Variants in HEPH observed in about 807,000 individuals in gnomAD.
HEPH encodes the protein hephaestin.
Under a neutral mutation model 80.8 loss-of-function variants are expected in HEPH, and 69 were observed. The observed-to-expected ratio is 0.85, with a 90% CI of 0.70 to 1.04. The LOEUF is 1.04. Among genes scored for constraint, HEPH ranks in the 50% least tolerant of loss-of-function variants. The pLI, the probability that HEPH is intolerant of heterozygous loss-of-function variation, is 0.00. For missense variants in HEPH, 1,115 were observed against 891.3 expected, an observed-to-expected ratio of 1.25 and a Z score of -3.20; for synonymous variants, 431 against 322.8, an observed-to-expected ratio of 1.34 and a Z score of -3.60.
intron 15 of HEPH, among the ~76,000 whole-genome samples, chrX:66,210,553 G>A (rs1441765175): frequency 9.0e-6 from 1 of 111,050 alleles, no homozygotes; most frequent in African/African-American, 3.3e-5. Context: ...AAATGGTGGG[G>A]ATTGGGATGG....
intron 16 of HEPH, among the ~76,000 whole-genome samples, chrX:66,255,744 G>A (rs1212294338): frequency 1.8e-5 from 2 of 111,239 alleles, no homozygotes; most frequent in Non-Finnish European, 3.8e-5. Flanking sequence ...ATGTACTCTG[G>A]GCCTTGAAAG....
At position 66,214,933 on chromosome X, in the gene HEPH, C is replaced by A. The variant is rs560733663; in HGVS notation, c.2563+6687C>A. ...GTCTTACTATTTGAAGAACAAACCT[C>A]TTTTATTGAGGATTTACTTAGGTGT... is the stretch of plus-strand genomic sequence containing the variant. On this transcript the variant is annotated intron_variant, in intron 15 of 20. Coordinates refer to ENST00000343002, the MANE Select transcript of HEPH (RefSeq NM_001367233.3). Among the ~76,000 whole-genome samples, 3 of 111,091 alleles carry A rather than the reference C, an allele frequency of 2.7e-5. No homozygotes were observed. The South Asian group carries it at 1.1e-3, about 42-fold the overall frequency.
chrX:66,265,570 G>A (rs1200431025), intron 20 of HEPH, among the ~76,000 whole-genome samples: 2 of 111,002 alleles, frequency 1.8e-5, no homozygotes, highest in Non-Finnish European at 3.8e-5. Flanking sequence ...AATTATGGGG[G>A]TACAAGGTAC....
chrX:66,263,766 T>C, intron 20 of HEPH, 78 bp downstream of exon 20: 1 of 919,545 alleles, frequency 1.1e-6, no homozygotes, highest in Non-Finnish European at 1.6e-6. Flanking sequence ...ACCTTTAGGG[T>C]ATGGGACTTA....
At chrX:66,226,767 A>G (rs2089907796) in intron 15 of HEPH, among the ~76,000 whole-genome samples, 1 of 111,830 alleles carries the variant, frequency 8.9e-6, no homozygotes, top group Non-Finnish European at 1.9e-5. Context: ...GTACAGACCA[A>G]CAGCAAGCAA....
chrX:66,234,576 C>T (rs774682761), intron 15 of HEPH, among the ~76,000 whole-genome samples: 1 of 107,491 alleles, frequency 9.3e-6, no homozygotes, highest in African/African-American at 3.5e-5. Flanking sequence ...TTGCCACCAT[C>T]TGGTTTTTTT....
At position 66,173,605 on chromosome X, in the gene HEPH, T is replaced by C. The variant is rs1160764164; in HGVS notation, c.429T>C (p.Asp143=). 3 of 1,208,188 alleles carry C rather than the reference T, an allele frequency of 2.5e-6. No individual in the cohort carries two copies. The highest frequency in any genetic ancestry group is 2.2e-5 in the Admixed American group (1 of 45,911). Residue 143 remains aspartate, a synonymous_variant, in exon 4 of 21, where the codon GAT becomes GAC. Coordinates refer to ENST00000343002, the MANE Select transcript of HEPH (RefSeq NM_001367233.3). ...CATTTCTAGGTTCCCTATACCCAGA[T>C]GGCTCCTCTGGGCCACTGAAAGCTG... ...EKDSEGSLYP[D]GSSGPLKADD...
chrX:66,243,351 C>A (rs1245529587), intron 15 of HEPH, among the ~76,000 whole-genome samples: 3 of 111,808 alleles, frequency 2.7e-5, no homozygotes, highest in Non-Finnish European at 3.8e-5. Flanking sequence ...GTGGAGGATG[C>A]CAGGAGGCTA....
intron 4 of HEPH, among the ~76,000 whole-genome samples, chrX:66,185,962 G>GT (rs1477447347): frequency 1.2e-4 from 1 of 8,077 alleles, no homozygotes; most frequent in Non-Finnish European, 2.0e-4. Context: ...ATACCCTGCC[G>GT]TGTGAGGTGT....
chrX:66,256,196 T>A lies in HEPH; in HGVS notation c.2762T>A (p.Phe921Tyr). Residue 921 changes from phenylalanine (F) to tyrosine (Y), a missense_variant, in exon 17 of 21, where the codon TTT (phenylalanine) becomes TAT (tyrosine). By Grantham distance (22) the Phe-to-Tyr change is conservative (BLOSUM62 3). This residue lies in a region of HEPH where 716 missense variants were observed against 523.5 expected (regional missense o/e 1.37). Coordinates refer to ENST00000343002, the MANE Select transcript of HEPH (RefSeq NM_001367233.3). ...GGACGGAGTGACATGGATCGGGAAT[T>A]TGCATTGTTGTTCTTGATTTTTGAT... is the stretch of plus-strand genomic sequence containing the variant. ...HGGRSDMDRE[F>Y]ALLFLIFDEN... The A allele has an allele frequency of 8.3e-7, 1 of 1,211,102 alleles. No individual in the cohort carries two copies. Among genetic ancestry groups the A allele is most frequent in the Admixed American group, 2.2e-5 (1 of 46,007 alleles).
At position 66,208,325 on chromosome X, in the gene HEPH, T is replaced by A. The variant is rs1602346267; in HGVS notation, c.2563+79T>A. 7.2e-6 allele frequency: 7 copies of A among 978,346 alleles called. No individual in the cohort carries two copies. The East Asian group carries it at 1.9e-4, about 27-fold the overall frequency. 80.6% of individuals were successfully genotyped at this position (978,346 alleles called of 1,213,427 possible). On this transcript the variant is annotated intron_variant, in intron 15 of 20. Transcript: ENST00000343002. ...GGCTTCTGGATTTTTCCTTAAAAAA[T>A]TAATGTACTTCAGACTGGAGTGATA...
chrX:66,221,080 C>T (rs1184815377), intron 15 of HEPH, among the ~76,000 whole-genome samples: 42 of 111,575 alleles, frequency 3.8e-4, no homozygotes, highest in Admixed American at 1.8e-3. Flanking sequence ...AATGAGTCCC[C>T]GCAATGAGTT....
chrX:66,253,171 A>G (rs747557912), intron 15 of HEPH, among the ~76,000 whole-genome samples: 1 of 112,383 alleles, frequency 8.9e-6, no homozygotes, highest in Non-Finnish European at 1.9e-5. Context: ...ATGTGAAACA[A>G]TTTGACAATC....
rs145264543 is a variant in HEPH, at chrX:66,170,713, C to T, written c.143C>T (p.Thr48Met). Residue 48 changes from threonine (T) to methionine (M), a missense_variant, in exon 2 of 21, where the codon ACG becomes ATG. Transcript: ENST00000343002. ...GCTCCCAAGGGAAGAAATGTCATCA[C>T]GAACCAGCCTCTGGACAGTGACATG... Reference protein sequence around the residue: ...NYAPKGRNVITNQPLDSDIVA... With the variant: ...NYAPKGRNVIMNQPLDSDIVA... 3.3e-4 allele frequency: 404 copies of T among 1,207,861 alleles called. 1 individual carries two copies. The East Asian group carries it at 6.6e-3, about 20-fold the overall frequency.
At chrX:66,203,729 A>G (rs994802596) in intron 13 of HEPH, 152 bp downstream of exon 13, 11 of 468,024 alleles carry the variant, frequency 2.4e-5, no homozygotes, top group Admixed American at 3.9e-5. Context: ...GCTCTTATGA[A>G]TTCTAGCTCA....
intron 13 of HEPH, among the ~76,000 whole-genome samples, chrX:66,206,339 CTTTTTTTTTTTTTTTTTTTTT>C (rs760184190): frequency 1.1e-3 from 15 of 14,065 alleles, no homozygotes; most frequent in East Asian, 2.7e-3. Flanking sequence ...AACCTGCCAT[CTTTTTTTTTTTTTTTTTTTTT>C]TTTTTTTTTT....
At chrX:66,254,324 G>T (rs180851166) in intron 15 of HEPH, among the ~76,000 whole-genome samples, 1 of 111,226 alleles carries the variant, frequency 9.0e-6, no homozygotes, top group Non-Finnish European at 1.9e-5. Context: ...TTGGTTAGAT[G>T]TTGAATTACG....
At chrX:66,221,443 A>C (rs1443904074) in intron 15 of HEPH, among the ~76,000 whole-genome samples, 1 of 112,805 alleles carries the variant, frequency 8.9e-6, no homozygotes, top group Non-Finnish European at 1.9e-5. Context: ...GTTGTCATTA[A>C]AGTTACCACA....
chrX:66,231,434 G>A, intron 15 of HEPH, among the ~76,000 whole-genome samples: 1 of 103,784 alleles, frequency 9.6e-6, no homozygotes, highest in East Asian at 3.1e-4. Context: ...CCATTTGTTT[G>A]TATCCTCTTT....
Sources: allele counts gnomAD v4.1 joint callset (sites outside exome capture counted in the v4.1 genomes callset), GRCh38; gene constraint gnomAD v4.1.1; regional missense constraint gnomAD v4.1.1; transcripts MANE v1.5; gene names NCBI Gene and HGNC (gene_info 2026-07-23, HGNC 2026-07-21).